The following RALGPS1 variants were observed in gnomAD, a reference collection of about 807,000 sequenced individuals.
RALGPS1 encodes the protein ras-specific guanine nucleotide-releasing factor RalGPS1.
Under a neutral mutation model 78.8 loss-of-function variants are expected in RALGPS1, and 19 were observed. That is an observed-to-expected ratio of 0.24 (90% confidence interval 0.17 to 0.35). The LOEUF (loss-of-function observed/expected upper bound fraction) is 0.35. Ranked by LOEUF, RALGPS1 falls within the 10% of genes least tolerant of loss-of-function variation. The probability of loss-of-function intolerance (pLI) is 1.00; values close to 1 mark genes in which losing one functional copy is unlikely to be tolerated. For missense variants in RALGPS1, 454 were observed against 688.3 expected, an observed-to-expected ratio of 0.66 and a Z score of 3.81; for synonymous variants, 228 against 256.3, an observed-to-expected ratio of 0.89 and a Z score of 1.06.
At chr9:127,159,003 G>A (rs11789366) in intron 8 of RALGPS1, among the ~76,000 whole-genome samples, 56,524 of 151,882 alleles carry the variant, frequency 0.37, 12,441 homozygotes, top group Non-Finnish European at 0.48. Flanking sequence ...ATCAAGGGCT[G>A]TTTCCAAAAT....
At chr9:126,984,623 T>A (rs2041628283) in intron 4 of RALGPS1, among the ~76,000 whole-genome samples, 2 of 152,348 alleles carry the variant, frequency 1.3e-5, no homozygotes, top group Admixed American at 1.3e-4. Context: ...ATACGTCCTG[T>A]GTGTTTCAGT....
intron 1 of RALGPS1, among the ~76,000 whole-genome samples, chr9:126,932,803 A>G (rs912023913): frequency 1.3e-5 from 2 of 152,100 alleles, no homozygotes; most frequent in African/African-American, 4.8e-5. Context: ...ACAAATACAT[A>G]TATACATGTT....
chr9:126,918,134 T>G (rs1231910649), intron 1 of RALGPS1, among the ~76,000 whole-genome samples: 1 of 152,242 alleles, frequency 6.6e-6, no homozygotes, highest in African/African-American at 2.4e-5. Flanking sequence ...ACATACATTT[T>G]ATTTATTGCA....
rs568592689 is a variant in RALGPS1, at chr9:126,994,432, G to A, written c.216+16687G>A. 4.6e-3 allele frequency among the ~76,000 whole-genome samples: 705 copies of A among 152,288 alleles called. 7 individuals carry two copies. Among genetic ancestry groups the A allele is most frequent in the African/African-American group, 0.016 (674 of 41,552 alleles). On this transcript the variant is annotated intron_variant, in intron 4 of 18. Transcript: ENST00000259351. ...ATCAACTGGAAGAAAGGGTATCAGTGATGGAAGATGAAATGAATGAAATGA... is the reference window on the plus strand; with the variant it reads ...ATCAACTGGAAGAAAGGGTATCAGTAATGGAAGATGAAATGAATGAAATGA...
chr9:127,116,911 GATTTGT>G (rs1207799685), intron 8 of RALGPS1, among the ~76,000 whole-genome samples: 27 of 152,210 alleles, frequency 1.8e-4, no homozygotes, highest in South Asian at 6.2e-4. Flanking sequence ...CCCAGTAACA[GATTTGT>G]CTAACCCAGG....
At chr9:127,132,775 G>T (rs1403653398) in intron 8 of RALGPS1, among the ~76,000 whole-genome samples, 1 of 152,176 alleles carries the variant, frequency 6.6e-6, no homozygotes, top group Non-Finnish European at 1.5e-5. Context: ...ATTTCATAAG[G>T]TTGCCATGAG....
chr9:127,014,042 G>C (rs1205689210), intron 4 of RALGPS1, among the ~76,000 whole-genome samples: 2 of 152,204 alleles, frequency 1.3e-5, no homozygotes, highest in Non-Finnish European at 2.9e-5. Flanking sequence ...GCTTTGCACA[G>C]TGCTGGGCAC....
At chr9:127,065,404 GC>G (rs936471808) in intron 7 of RALGPS1, among the ~76,000 whole-genome samples, 1 of 152,020 alleles carries the variant, frequency 6.6e-6, no homozygotes, top group African/African-American at 2.4e-5. Context: ...GAGCCACTGT[GC>G]CCGGCCTTAA....
chr9:127,195,885 A>G (rs1448922822), intron 12 of RALGPS1, among the ~76,000 whole-genome samples: 1 of 150,976 alleles, frequency 6.6e-6, no homozygotes, highest in African/African-American at 2.4e-5. Flanking sequence ...AGCCCAGCCT[A>G]GGCAGGCCCT....
At chr9:127,032,124 G>A (rs2046481530) in intron 4 of RALGPS1, among the ~76,000 whole-genome samples, 1 of 152,176 alleles carries the variant, frequency 6.6e-6, no homozygotes, top group Non-Finnish European at 1.5e-5. Flanking sequence ...CACGTGCTAG[G>A]TGCTTTGCAT....
chr9:127,089,812 G>C (rs115565702), intron 8 of RALGPS1, among the ~76,000 whole-genome samples: 5 of 152,210 alleles, frequency 3.3e-5, no homozygotes, highest in Non-Finnish European at 4.4e-5. Context: ...AGGTGTGCGC[G>C]GGCATGCAGG....
At chr9:127,209,681 G>T (rs2062130395) in intron 14 of RALGPS1, among the ~76,000 whole-genome samples, 1 of 152,138 alleles carries the variant, frequency 6.6e-6, no homozygotes, top group South Asian at 2.1e-4. Flanking sequence ...CTGAAATTGG[G>T]CCCCTGGACA....
intron 8 of RALGPS1, among the ~76,000 whole-genome samples, chr9:127,109,752 C>T (rs754253116): frequency 3.9e-5 from 6 of 152,210 alleles, no homozygotes; most frequent in Non-Finnish European, 5.9e-5. Flanking sequence ...CCTCATGGGG[C>T]TTTCACATCA....
At position 127,106,089 on chromosome 9, in the gene RALGPS1, C is replaced by T. The variant is rs543477922; in HGVS notation, c.610+36733C>T. On this transcript the variant is annotated intron_variant, in intron 8 of 18. Coordinates refer to ENST00000259351, the MANE Select transcript of RALGPS1 (RefSeq NM_014636.3). ...TGCAAACCCAGGTCTTATTCCTATA[C>T]TATGTATCTGCCAGCTTAGTTCAAG... 3.9e-5 allele frequency among the ~76,000 whole-genome samples: 6 copies of T among 152,302 alleles called. No homozygotes were observed. The South Asian group carries it at 8.3e-4, about 21-fold the overall frequency.
chr9:126,952,049 G>A (rs1306648035), intron 1 of RALGPS1, among the ~76,000 whole-genome samples: 1 of 152,234 alleles, frequency 6.6e-6, no homozygotes, highest in African/African-American at 2.4e-5. Flanking sequence ...TAAATCATGA[G>A]TGAACTCCCA....
At chr9:127,081,879 C>T (rs1362235850) in intron 8 of RALGPS1, among the ~76,000 whole-genome samples, 1 of 152,242 alleles carries the variant, frequency 6.6e-6, no homozygotes, top group Non-Finnish European at 1.5e-5. Context: ...TGTGGCAGCG[C>T]TGTGGGAATG....
chr9:127,000,427 T>C (rs947240668), intron 4 of RALGPS1, among the ~76,000 whole-genome samples: 1 of 152,068 alleles, frequency 6.6e-6, no homozygotes, highest in Non-Finnish European at 1.5e-5. Context: ...TTTCTAATTT[T>C]CCTTTTGATT....
intron 4 of RALGPS1, among the ~76,000 whole-genome samples, chr9:127,001,298 A>G (rs997307801): frequency 2.6e-5 from 4 of 151,962 alleles, no homozygotes; most frequent in Non-Finnish European, 5.9e-5. Flanking sequence ...AAAAAAAAAA[A>G]AAAAGTAAGT....
At chr9:126,960,242 T>TTCCTTTCTTCC (rs1564310658) in intron 1 of RALGPS1, among the ~76,000 whole-genome samples, 1 of 26,570 alleles carries the variant, frequency 3.8e-5, no homozygotes, top group Non-Finnish European at 2.4e-4. Flanking sequence ...CCTTTCTTCC[T>TTCCTTTCTTCC]TTTTTTTTTT....
Sources: gnomAD v4.1 joint callset for allele counts (sites outside exome capture counted in the v4.1 genomes callset) on GRCh38, gnomAD v4.1.1 for gene constraint, MANE v1.5 for transcripts, NCBI Gene and HGNC (gene_info 2026-07-23, HGNC 2026-07-21) for gene names.